The following KCNQ2 variants were observed in gnomAD, a reference collection of about 807,000 sequenced individuals.
The protein encoded by KCNQ2 is potassium voltage-gated channel subfamily Q member 2.
KCNQ2 carries 14 observed loss-of-function variants against 84.8 expected under a neutral mutation model. That is an observed-to-expected ratio of 0.17 (90% CI 0.11 to 0.26). The LOEUF is 0.26. Among genes scored for constraint, KCNQ2 ranks in the 10% least tolerant of loss-of-function variants. The pLI is 1.00. For synonymous variants in KCNQ2, 599 were observed against 554.1 expected (o/e 1.08, Z -1.14); for missense variants, 788 against 1,254.0 (o/e 0.63, Z 5.61).
chr20:63,461,109 G>A (rs1010681235), intron 1 of KCNQ2: 2 of 152,218 alleles, frequency 1.3e-5, no homozygotes, highest in Admixed American at 6.5e-5. Flanking sequence ...AGTCTCCTGC[G>A]GTGGATGTGC....
rs118167365 is a variant in KCNQ2, at chr20:63,456,862, G to C, written c.297-10025C>G. Among the ~76,000 whole-genome samples the C allele has an allele frequency of 6.5e-3, 991 of 152,324 alleles. 6 individuals carry two copies. Among genetic ancestry groups the C allele is most frequent in the Middle Eastern group, 0.014 (4 of 294 alleles). ...TCCAGAACAATGTCCATGCTGATGA[G>C]GCTGCACCTCCCCGGGGCTGGGGAC... On this transcript the variant is annotated intron_variant, in intron 1 of 16. Transcript: ENST00000359125.
chr20:63,414,957 G>A lies in KCNQ2; in HGVS notation c.1471C>T (p.Arg491Trp), dbSNP rs1251584590. 4 of 1,612,558 alleles carry A rather than the reference G, an allele frequency of 2.5e-6. No homozygotes were observed. Among genetic ancestry groups the A allele is most frequent in the Non-Finnish European group, 2.5e-6 (3 of 1,179,964 alleles). The change falls in exon 13 of 17, where the codon CGG (arginine) becomes TGG (tryptophan). Residue 491 changes from arginine to tryptophan, a missense_variant. Arg to Trp is a moderately radical substitution (Grantham distance 101). This residue lies in a region of KCNQ2 where 202 missense variants were observed against 239.4 expected (regional missense o/e 0.84). Transcript: ENST00000359125. This position sits in a 1 kb window ranked among gnomAD's most constrained non-coding sequence, Gnocchi z 6.6. ...PKSWSFGDRS[R>W]ARQAFRIKGA... ...TTGATGCGGAAAGCCTGGCGTGCCC[G>A]GCTGCGGTCCCCGAAGCTCCAGCTC... is the stretch of plus-strand genomic sequence containing the variant.
intron 7 of KCNQ2, among the ~76,000 whole-genome samples, chr20:63,436,023 C>A (rs2145695086): frequency 6.7e-6 from 1 of 148,856 alleles, no homozygotes; most frequent in East Asian, 2.0e-4. Context: ...CTACTCCAGG[C>A]AAAGATGTTG....
At position 63,446,624 on chromosome 20, in the gene KCNQ2, C is replaced by T; in HGVS notation, c.387+123G>A. The T allele has an allele frequency of 1.2e-6, 1 of 814,252 alleles. No individual in the cohort carries two copies. Among genetic ancestry groups the T allele is most frequent in the Admixed American group, 2.0e-5 (1 of 50,718 alleles). The allele number at this position is 814,252 out of a possible 1,614,324, so 50.4% of individuals were successfully genotyped here. The stretch of plus-strand genomic sequence containing the variant: ...GATGGGAACTGACAGGGCACAAAGA[C>T]ATGGCCAGAGCTGGGGCTGGGGGCG... On this transcript the variant is annotated intron_variant, in intron 2 of 16. Coordinates refer to ENST00000359125, the MANE Select transcript of KCNQ2 (RefSeq NM_172107.4). The surrounding 1 kb of genome is among the most constrained non-coding windows in gnomAD (Gnocchi z 5.5).
intron 7 of KCNQ2, among the ~76,000 whole-genome samples, chr20:63,435,371 G>A (rs2080961218): frequency 7.0e-6 from 1 of 141,904 alleles, no homozygotes; most frequent in Non-Finnish European, 1.5e-5. Context: ...CTGGGCAAGA[G>A]AGCAAGTCCC....
intron 6 of KCNQ2, 126 bp downstream of exon 6, chr20:63,439,472 G>T: frequency 1.3e-6 from 1 of 746,594 alleles, no homozygotes; most frequent in Non-Finnish European, 2.4e-6. Context: ...TGGGGGCTGT[G>T]GACCTGCTGA....
At position 63,414,386 on chromosome 20, in the gene KCNQ2, G is replaced by T. The variant is rs1389652330; in HGVS notation, c.1526-193C>A. Among the ~76,000 whole-genome samples, 1 of 152,170 alleles carries T rather than the reference G, an allele frequency of 6.6e-6. No individual in the cohort carries two copies. The highest frequency in any genetic ancestry group is 2.1e-4 in the South Asian group (1 of 4,826). Reference sequence around the variant, plus strand: ...CTGCTCTCGAGTCAGGACCTTCCCCGGCAGGCTGTGGCCACAGGGAGTGGC... The same window carrying T: ...CTGCTCTCGAGTCAGGACCTTCCCCTGCAGGCTGTGGCCACAGGGAGTGGC... On this transcript the variant is annotated intron_variant, in intron 13 of 16. Transcript: ENST00000359125. The surrounding 1 kb of genome is among the most constrained non-coding windows in gnomAD (Gnocchi z 6.6).
intron 15 of KCNQ2, chr20:63,411,080 C>A (rs1229923746): frequency 4.5e-6 from 2 of 439,764 alleles, no homozygotes; most frequent in Admixed American, 2.7e-5. Flanking sequence ...CCGGGGCTCT[C>A]GCCAGCTCCC....
chr20:63,417,866 A>G (rs915702048), intron 12 of KCNQ2, among the ~76,000 whole-genome samples: 3 of 152,080 alleles, frequency 2.0e-5, no homozygotes, highest in African/African-American at 7.2e-5. Context: ...GCACAGCCCC[A>G]GGGGCCGCCG....
intron 12 of KCNQ2, among the ~76,000 whole-genome samples, chr20:63,417,520 G>A (rs2080332802): frequency 6.6e-6 from 1 of 152,240 alleles, no homozygotes; most frequent in Admixed American, 6.5e-5. Context: ...TAGCTTCGGG[G>A]CTGCCCTTGG....
chr20:63,417,833 C>T (rs1197530221), intron 12 of KCNQ2, among the ~76,000 whole-genome samples: 1 of 152,208 alleles, frequency 6.6e-6, no homozygotes, highest in Admixed American at 6.5e-5. Flanking sequence ...GCGGCAGACA[C>T]ACCCTGCTGG....
In KCNQ2 at chr20:63,407,184, G is replaced by C. The variant is rs2079971597; in HGVS notation, c.2079C>G (p.Ser693Arg). The C allele has an allele frequency of 6.2e-7, 1 of 1,605,506 alleles. No homozygotes were observed. ...HGCIVKIVRS[S>R]SSTGQKNFSA... ...AGAAGTTCTTCTGGCCCGTGGAGCT[G>C]CTGGAGCGCACGATCTTGACAATGC... is the stretch of plus-strand genomic sequence containing the variant. Residue 693 changes from serine (S) to arginine (R), a missense_variant, in exon 17 of 17, where the codon AGC (serine) becomes AGG (arginine). Transcript: ENST00000359125. This position sits in a 1 kb window ranked among gnomAD's most constrained non-coding sequence, Gnocchi z 7.2.
intron 14 of KCNQ2, 63 bp from the exon 15 acceptor site, chr20:63,413,644 A>G: frequency 6.2e-7 from 1 of 1,600,598 alleles, no homozygotes; most frequent in Admixed American, 1.7e-5. Context: ...AGGCACCAGG[A>G]CCTTCCTAGC....
chr20:63,428,215 A>G, intron 10 of KCNQ2, 152 bp downstream of exon 10: 1 of 660,844 alleles, frequency 1.5e-6, no homozygotes, highest in Non-Finnish European at 2.7e-6. Flanking sequence ...ACGCGAAAAG[A>G]GAAAGCACCA....
chr20:63,423,911 T>G, intron 11 of KCNQ2: 7 of 463,408 alleles, frequency 1.5e-5, no homozygotes, highest in Admixed American at 3.8e-5. Context: ...GGGTGGGGGA[T>G]CCCCCACCCC....
rs1484805298 is a variant in KCNQ2, at chr20:63,404,401, AGGC to A, written c.*2240_*2242del. 1 of 138,522 alleles carries A rather than the reference AGGC, an allele frequency of 7.2e-6. No individual in the cohort carries two copies. The highest frequency in any genetic ancestry group is 7.2e-5 in the Admixed American group (1 of 13,876). The allele number at this position is 138,522 out of a possible 1,614,324, so 8.6% of individuals were successfully genotyped here. ...CCATACTGGTGGGGGAGGAAAGAGC[AGGC>A]GGGGCCACACCTGGCGGGGGAGGAA... On this transcript the variant is annotated 3_prime_UTR_variant, in exon 17 of 17. Coordinates refer to ENST00000359125, the MANE Select transcript of KCNQ2 (RefSeq NM_172107.4).
chr20:63,443,379 TCATCAC>T (rs2081307008), intron 4 of KCNQ2, among the ~76,000 whole-genome samples: 2 of 17,238 alleles, frequency 1.2e-4, no homozygotes, highest in Admixed American at 3.7e-4. Context: ...ATCACCACCA[TCATCAC>T]CACCACCATC....
chr20:63,429,179 C>T (rs1377448799), intron 9 of KCNQ2, among the ~76,000 whole-genome samples: 1 of 151,994 alleles, frequency 6.6e-6, no homozygotes, highest in Non-Finnish European at 1.5e-5. Flanking sequence ...CCACTCCCAC[C>T]CACCTCACTC....
At chr20:63,441,835 C>T (rs976535237) in intron 5 of KCNQ2, among the ~76,000 whole-genome samples, 5 of 152,256 alleles carry the variant, frequency 3.3e-5, no homozygotes, top group Non-Finnish European at 7.3e-5. Context: ...CCATGCCTTC[C>T]CCGCAGGGCT....
Sources: allele counts gnomAD v4.1 joint callset (sites outside exome capture counted in the v4.1 genomes callset), GRCh38; gene constraint gnomAD v4.1.1; regional missense constraint gnomAD v4.1.1; non-coding constraint Gnocchi (gnomAD v3.1); transcripts MANE v1.5; gene names NCBI Gene and HGNC (gene_info 2026-07-23, HGNC 2026-07-21).